MARCHF5: variants seen among roughly 807,000 people sequenced by gnomAD.
MARCHF5 encodes membrane associated ring-CH-type finger 5, also known as E3 ubiquitin-protein ligase MARCHF5.
Under a neutral mutation model 36.5 loss-of-function variants are expected in MARCHF5, and 5 were observed. The ratio of observed to expected loss-of-function variants is 0.14; its 90% CI spans 0.07 to 0.29. MARCHF5 has a LOEUF of 0.29. Ranked by LOEUF, MARCHF5 falls within the 10% of genes least tolerant of loss-of-function variation. The pLI, the probability that MARCHF5 is intolerant of heterozygous loss-of-function variation, is 1.00. For missense variants in MARCHF5, 179 were observed against 336.3 expected (o/e 0.53, Z 3.66); for synonymous variants, 103 against 109.9 (o/e 0.94, Z 0.39).
At position 92,353,364 on chromosome 10, in the gene MARCHF5, CTG is replaced by C. The variant is rs1843741682; in HGVS notation, c.*2159_*2160del. The C allele has an allele frequency of 6.6e-6, 1 of 152,166 alleles. No homozygotes were observed. Among genetic ancestry groups the C allele is most frequent in the East Asian group, 1.9e-4 (1 of 5,192 alleles). The allele number at this position is 152,166 out of a possible 1,614,324, so 9.4% of individuals were successfully genotyped here. On this transcript the variant is annotated 3_prime_UTR_variant, in exon 6 of 6. Transcript: ENST00000358935. ...CAAATCATAGTTCAGCTTTCAATAA[CTG>C]TATGTATGATTTTGGCTAAAGGATT...
rs1358278992 is a variant in MARCHF5, at chr10:92,353,096, G to A, written c.*1889G>A. On this transcript the variant is annotated 3_prime_UTR_variant, in exon 6 of 6. Transcript: ENST00000358935. Reference sequence around the variant, plus strand: ...ATAGGTATTAGGGCTCATGAAGGCCGGGGAACAACTCTAATCCTTTTGGGG... The same window carrying A: ...ATAGGTATTAGGGCTCATGAAGGCCAGGGAACAACTCTAATCCTTTTGGGG... 6.6e-6 allele frequency: 1 copy of A among 152,110 alleles called. No individual in the cohort carries two copies. Among genetic ancestry groups the A allele is most frequent in the East Asian group, 1.9e-4 (1 of 5,188 alleles). 9.4% of individuals were successfully genotyped at this position (152,110 alleles called of 1,614,324 possible).
chr10:92,331,546 C>G (rs1843436023), intron 2 of MARCHF5, among the ~76,000 whole-genome samples: 2 of 151,704 alleles, frequency 1.3e-5, no homozygotes, highest in Non-Finnish European at 2.9e-5. Context: ...TATTGTTTGT[C>G]CCTAACTAGA....
chr10:92,312,967 G>A (rs970984333), intron 2 of MARCHF5, among the ~76,000 whole-genome samples: 2 of 152,248 alleles, frequency 1.3e-5, no homozygotes, highest in South Asian at 2.1e-4. Context: ...TGGGCGTGGC[G>A]GCTCACGCCT....
intron 1 of MARCHF5, 97 bp downstream of exon 1, chr10:92,291,626 G>A (rs1261913893): frequency 3.5e-6 from 5 of 1,423,436 alleles, no homozygotes; most frequent in Admixed American, 2.9e-5. Context: ...AACCCGGCGT[G>A]CCGGGAGGAG....
chr10:92,319,357 G>T, intron 2 of MARCHF5, among the ~76,000 whole-genome samples: 1 of 149,994 alleles, frequency 6.7e-6, no homozygotes. Flanking sequence ...GTGCAGTGGC[G>T]CGATCTCGAC....
At chr10:92,312,780 A>G (rs940850890) in intron 2 of MARCHF5, among the ~76,000 whole-genome samples, 3 of 152,274 alleles carry the variant, frequency 2.0e-5, no homozygotes, top group African/African-American at 7.2e-5. Flanking sequence ...AACTACATCA[A>G]GTTGACAAGT....
chr10:92,342,120 C>T (rs533922325), intron 3 of MARCHF5, among the ~76,000 whole-genome samples: 2 of 151,338 alleles, frequency 1.3e-5, no homozygotes, highest in African/African-American at 2.4e-5. Context: ...TTTAGAATTA[C>T]GTTTGACTCT....
intron 3 of MARCHF5, among the ~76,000 whole-genome samples, chr10:92,344,536 T>C (rs932144905): frequency 2.0e-5 from 3 of 152,118 alleles, no homozygotes; most frequent in Non-Finnish European, 4.4e-5. Context: ...GTGGATAGTG[T>C]TGTGTGATTT....
chr10:92,297,735 C>T (rs1369707104), intron 1 of MARCHF5, among the ~76,000 whole-genome samples: 3 of 151,696 alleles, frequency 2.0e-5, no homozygotes, highest in African/African-American at 7.3e-5. Context: ...CGTGATCCAC[C>T]TGCCTCGGCC....
intron 2 of MARCHF5, among the ~76,000 whole-genome samples, chr10:92,321,392 A>G (rs1233228236): frequency 1.3e-5 from 2 of 152,160 alleles, no homozygotes; most frequent in African/African-American, 4.8e-5. Context: ...TCTGTATTCT[A>G]ATAATATGGC....
chr10:92,297,483 C>CTTT (rs965295861), intron 1 of MARCHF5, among the ~76,000 whole-genome samples: 25 of 122,954 alleles, frequency 2.0e-4, no homozygotes, highest in Admixed American at 3.3e-4. Context: ...CAGCTTTCAA[C>CTTT]TTTTTTTTTT....
At chr10:92,301,818 G>A (rs1843015795) in intron 1 of MARCHF5, among the ~76,000 whole-genome samples, 1 of 152,166 alleles carries the variant, frequency 6.6e-6, no homozygotes, top group African/African-American at 2.4e-5. Context: ...CAGCACTTTG[G>A]GAGCCTGAGG....
intron 1 of MARCHF5, among the ~76,000 whole-genome samples, chr10:92,299,805 C>T (rs1457746164): frequency 6.6e-6 from 1 of 152,084 alleles, no homozygotes; most frequent in Non-Finnish European, 1.5e-5. Context: ...TTCTTTGTGA[C>T]ATATCAGTGC....
intron 2 of MARCHF5, chr10:92,334,601 T>A (rs562953811): frequency 6.6e-6 from 1 of 152,362 alleles, no homozygotes; most frequent in Admixed American, 6.5e-5. Context: ...TGCCAGCAAA[T>A]GCTGAACATT....
intron 2 of MARCHF5, among the ~76,000 whole-genome samples, chr10:92,323,077 C>A (rs560961994): frequency 4.9e-4 from 75 of 152,200 alleles, no homozygotes; most frequent in African/African-American, 1.8e-3. Context: ...GTTGCTCAGG[C>A]TGGAGTGCAG....
chr10:92,323,075 G>T (rs1282484925), intron 2 of MARCHF5, among the ~76,000 whole-genome samples: 5 of 152,070 alleles, frequency 3.3e-5, no homozygotes, highest in Non-Finnish European at 7.4e-5. Context: ...ATGTTGCTCA[G>T]GCTGGAGTGC....
intron 1 of MARCHF5, among the ~76,000 whole-genome samples, chr10:92,300,029 T>C (rs984002927): frequency 7.2e-5 from 11 of 151,768 alleles, no homozygotes; most frequent in Non-Finnish European, 7.4e-5. Context: ...AGTGTAGTGG[T>C]GCATGCCTAT....
At chr10:92,342,257 T>A (rs956445016) in intron 3 of MARCHF5, among the ~76,000 whole-genome samples, 1 of 151,776 alleles carries the variant, frequency 6.6e-6, no homozygotes, top group African/African-American at 2.4e-5. Flanking sequence ...CAAACGATCC[T>A]CCTGCCTCAA....
chr10:92,320,892 T>C (rs999284934), intron 2 of MARCHF5, among the ~76,000 whole-genome samples: 1 of 152,092 alleles, frequency 6.6e-6, no homozygotes, highest in African/African-American at 2.4e-5. Context: ...TCATCACCCA[T>C]TCACTGAATC....
Sources: allele counts gnomAD v4.1 joint callset (sites outside exome capture counted in the v4.1 genomes callset), GRCh38; gene constraint gnomAD v4.1.1; transcripts MANE v1.5; gene names NCBI Gene and HGNC (gene_info 2026-07-23, HGNC 2026-07-21).